Variants in LGI2 observed in about 807,000 individuals in gnomAD.
LGI2 encodes leucine rich repeat LGI family member 2.
Under a neutral mutation model 52.0 loss-of-function variants are expected in LGI2, and 30 were observed. That is an observed-to-expected ratio of 0.58 (90% CI 0.43 to 0.78). The LOEUF (loss-of-function observed/expected upper bound fraction) is 0.78. LGI2 is among the 30% of genes least tolerant of loss of function. The probability of loss-of-function intolerance (pLI) is 0.00; values close to 1 mark genes in which losing one functional copy is unlikely to be tolerated. For synonymous variants in LGI2, 270 were observed against 271.8 expected (o/e 0.99, Z 0.06); for missense variants, 573 against 692.5 (o/e 0.83, Z 1.94).
rs1300968745 is a variant in LGI2 at position 24,999,776 on chromosome 4, A to G, written c.*3675T>C. ...CTAAAAATACACAGACTCTCACTCC[A>G]TGGGGAAGAAAAAATGCAACTCTGC... On this transcript the variant is annotated 3_prime_UTR_variant, in exon 8 of 8. Coordinates refer to ENST00000382114, the MANE Select transcript of LGI2 (RefSeq NM_018176.4). 6.6e-6 allele frequency: 3 copies of G among 455,906 alleles called. No homozygotes were observed. Among genetic ancestry groups the G allele is most frequent in the South Asian group, 4.7e-5 (3 of 64,450 alleles). The allele number at this position is 455,906 out of a possible 1,614,324, so 28.2% of individuals were successfully genotyped here. A position where few individuals can be genotyped will look rare whatever the true frequency, so the allele number is the denominator to read the frequency against.
At chr4:25,013,564 G>A (rs186019692) in intron 6 of LGI2, among the ~76,000 whole-genome samples, 40 of 152,286 alleles carry the variant, frequency 2.6e-4, no homozygotes, top group Admixed American at 1.6e-3. Context: ...ATCCCATGAC[G>A]GCACTGAAAG....
chr4:25,003,807 T>C lies in LGI2; in HGVS notation c.1282A>G (p.Met428Val). ...EDVLAVKSFR[M>V]QNTLYLSLTR... is the part of the protein sequence containing the mutation. ...AGGGAAAGGTAGAGGGTATTTTGCA[T>C]TCGGAAGCTCTTCACAGCCAGTACG... The change falls in exon 8 of 8, where the codon ATG (methionine) becomes GTG (valine). Residue 428 changes from methionine to valine, a missense_variant. Met to Val is a conservative substitution (Grantham distance 21). Coordinates refer to ENST00000382114, the MANE Select transcript of LGI2 (RefSeq NM_018176.4). 6.2e-7 allele frequency: 1 copy of C among 1,614,196 alleles called. No homozygotes were observed. The highest frequency in any genetic ancestry group is 8.5e-7 in the Non-Finnish European group (1 of 1,180,044).
intron 4 of LGI2, among the ~76,000 whole-genome samples, chr4:25,019,446 T>G (rs979773244): frequency 3.3e-5 from 5 of 152,214 alleles, no homozygotes; most frequent in Admixed American, 2.0e-4. Context: ...AAAGCACTTT[T>G]TAAGCTCTTT....
At chr4:25,013,914 A>C (rs1018852703) in intron 6 of LGI2, among the ~76,000 whole-genome samples, 4 of 152,094 alleles carry the variant, frequency 2.6e-5, no homozygotes, top group African/African-American at 9.7e-5. Context: ...ACAGTGTAGA[A>C]GCCAGAAAGC....
At chr4:24,995,734 A>G (rs1207833640), downstream of LGI2, among the ~76,000 whole-genome samples, 1 of 152,218 alleles carries the variant, frequency 6.6e-6, no homozygotes, top group Non-Finnish European at 1.5e-5. Flanking sequence ...CCACCTCTTG[A>G]AGGGAGGGGC....
chr4:25,030,702 C>G lies in LGI2; in HGVS notation c.-9G>C, dbSNP rs1035153116. ...CCTCTCCGCAGCGCCATGCCCGGTC[C>G]CCGCTCCCCGCCCGGGCCCCGACCC... On this transcript the variant is annotated 5_prime_UTR_variant, in exon 1 of 8. Transcript: ENST00000382114. The G allele has an allele frequency of 9.2e-6, 12 of 1,301,010 alleles. No homozygotes were observed. The highest frequency in any genetic ancestry group is 1.1e-5 in the Non-Finnish European group (11 of 1,029,802). The allele number at this position is 1,301,010 out of a possible 1,614,324, so 80.6% of individuals were successfully genotyped here.
Position 24,999,630 on chromosome 4 carries a change from T to C in LGI2, c.*3821A>G. The C allele has an allele frequency of 6.4e-6, 2 of 313,154 alleles. No individual in the cohort carries two copies. Among genetic ancestry groups the C allele is most frequent in the South Asian group, 5.1e-5 (2 of 39,490 alleles). The allele number at this position is 313,154 out of a possible 1,614,324, so 19.4% of individuals were successfully genotyped here. On this transcript the variant is annotated 3_prime_UTR_variant, in exon 8 of 8. Transcript: ENST00000382114. ...CTTAAGAGGTTTTCTTTAGGTGGCA[T>C]GCAAATAGACTCCCCTCCTGCAGAT...
downstream of LGI2, among the ~76,000 whole-genome samples, chr4:24,996,174 T>C (rs966883048): frequency 6.6e-6 from 1 of 152,222 alleles, no homozygotes; most frequent in African/African-American, 2.4e-5. Context: ...TATTACACTG[T>C]GGAGAGACTG....
At chr4:25,023,325 C>T (rs1025099820) in intron 4 of LGI2, among the ~76,000 whole-genome samples, 2 of 152,160 alleles carry the variant, frequency 1.3e-5, no homozygotes, top group African/African-American at 2.4e-5. Flanking sequence ...GTAGTCTCTA[C>T]AGGAATTTGG....
At chr4:25,018,670 T>C (rs1725850523) in intron 5 of LGI2, among the ~76,000 whole-genome samples, 1 of 152,132 alleles carries the variant, frequency 6.6e-6, no homozygotes, top group African/African-American at 2.4e-5. Flanking sequence ...GAGACTAGCC[T>C]GGCCAACATG....
chr4:25,019,997 C>T (rs1305815180), intron 4 of LGI2, among the ~76,000 whole-genome samples: 1 of 152,038 alleles, frequency 6.6e-6, no homozygotes, highest in Non-Finnish European at 1.5e-5. Flanking sequence ...ATGTATTAAG[C>T]ACCAAAGTGT....
intron 6 of LGI2, among the ~76,000 whole-genome samples, chr4:25,014,484 C>CCACA (rs1553871855): frequency 4.3e-5 from 5 of 116,802 alleles, no homozygotes; most frequent in African/African-American, 1.7e-4. Flanking sequence ...CCGCCCCCGC[C>CCACA]AAAAAAAAGG....
rs1340378771 is a variant in LGI2 at position 25,030,752 on chromosome 4, C to G, written c.-59G>C. 5.0e-6 allele frequency: 5 copies of G among 1,004,050 alleles called. No homozygotes were observed. The highest frequency in any genetic ancestry group is 5.3e-5 in the Admixed American group (1 of 18,750). The allele number at this position is 1,004,050 out of a possible 1,614,324, so 62.2% of individuals were successfully genotyped here. A position where few individuals can be genotyped will look rare whatever the true frequency, so the allele number is the denominator to read the frequency against. On this transcript the variant is annotated 5_prime_UTR_variant, in exon 1 of 8. Transcript: ENST00000382114. ...CCCACCGCCGCGCCGCGCGCTCGGA[C>G]CCGGCGCCGCTGCAGACGCGGGCGC...
chr4:25,002,611 C>G lies in LGI2; in HGVS notation c.*840G>C, dbSNP rs745645925. The G allele has an allele frequency of 1.4e-4, 22 of 152,606 alleles. No homozygotes were observed. The highest frequency in any genetic ancestry group is 5.3e-4 in the African/African-American group (22 of 41,444). 9.5% of individuals were successfully genotyped at this position (152,606 alleles called of 1,614,324 possible). A position where few individuals can be genotyped will look rare whatever the true frequency, so the allele number is the denominator to read the frequency against. ...CCTCTAAAGGATGAAATGAAAAGCA[C>G]CAGTCTTTGGCCTGCCTGCTGGTTA... On this transcript the variant is annotated 3_prime_UTR_variant, in exon 8 of 8. Transcript: ENST00000382114.
At chr4:24,995,549 A>G (rs34778067), downstream of LGI2, among the ~76,000 whole-genome samples, 17,812 of 152,180 alleles carry the variant, frequency 0.12, 1,265 homozygotes, top group East Asian at 0.23. Context: ...TGTCTCCCAC[A>G]TGGGCCCCTC....
rs1725159579 is a variant in LGI2, at chr4:24,999,002, A to T, written c.*4449T>A. On this transcript the variant is annotated 3_prime_UTR_variant, in exon 8 of 8. Transcript: ENST00000382114. ...CATACTGTAAAACTTGCTTCTTTAC[A>T]CATAGAAACTATTCTTATTTTACCT... The T allele has an allele frequency of 6.6e-6, 1 of 152,264 alleles. No homozygotes were observed. The highest frequency in any genetic ancestry group is 2.1e-4 in the South Asian group (1 of 4,836). 9.4% of individuals were successfully genotyped at this position (152,264 alleles called of 1,614,324 possible). A position where few individuals can be genotyped will look rare whatever the true frequency, so the allele number is the denominator to read the frequency against.
rs766090304 is a variant in LGI2 at position 25,004,379 on chromosome 4, G to A, written c.821-111C>T. On this transcript the variant is annotated intron_variant, in intron 7 of 7. Coordinates refer to ENST00000382114, the MANE Select transcript of LGI2 (RefSeq NM_018176.4). This position sits in a 1 kb window ranked among gnomAD's most constrained non-coding sequence, Gnocchi z 4.6. Reference sequence around the variant, plus strand: ...GAGTGTGAAATGGCACAGCCACTATGGAAAACAGTATGGTGGTTCCTTGAA... The same window carrying A: ...GAGTGTGAAATGGCACAGCCACTATAGAAAACAGTATGGTGGTTCCTTGAA... 1.7e-5 allele frequency: 16 copies of A among 931,690 alleles called. No homozygotes were observed. The highest frequency in any genetic ancestry group is 2.6e-5 in the Non-Finnish European group (16 of 618,624). 57.7% of individuals were successfully genotyped at this position (931,690 alleles called of 1,614,324 possible).
intron 4 of LGI2, among the ~76,000 whole-genome samples, chr4:25,022,426 G>C (rs1314376577): frequency 6.6e-6 from 1 of 152,166 alleles, no homozygotes; most frequent in African/African-American, 2.4e-5. Context: ...AATGAGGTTA[G>C]AGAGCTGAGG....
rs184153853 is a variant in LGI2, at chr4:25,028,493, C to G, written c.269+14G>C. The G allele has an allele frequency of 6.2e-7, 1 of 1,611,668 alleles. No homozygotes were observed. The highest frequency in any genetic ancestry group is 8.5e-7 in the Non-Finnish European group (1 of 1,179,120). On this transcript the variant is annotated intron_variant, in intron 2 of 7. Transcript: ENST00000382114. Reference sequence around the variant, plus strand: ...AGGGCCCCCCATTGTGCAGAGGGAACTTCCCATACTCACAGCAGCTGCAGA... The same window carrying G: ...AGGGCCCCCCATTGTGCAGAGGGAAGTTCCCATACTCACAGCAGCTGCAGA...
Sources: allele counts gnomAD v4.1 joint callset (sites outside exome capture counted in the v4.1 genomes callset), GRCh38; gene constraint gnomAD v4.1.1; non-coding constraint Gnocchi (gnomAD v3.1); transcripts MANE v1.5; gene names NCBI Gene and HGNC (gene_info 2026-07-23, HGNC 2026-07-21).